The following NOTUM variants were observed in gnomAD, a reference collection of about 807,000 sequenced individuals.
The protein encoded by NOTUM is notum, palmitoleoyl-protein carboxylesterase.
A neutral mutation model predicts 65.5 loss-of-function variants in NOTUM; 36 were observed. That is an observed-to-expected ratio of 0.55 (90% confidence interval 0.42 to 0.73). NOTUM has a LOEUF of 0.73. Ranked by LOEUF, NOTUM falls within the 30% of genes least tolerant of loss-of-function variation. NOTUM has a pLI of 0.00. For missense variants in NOTUM, 659 were observed against 694.2 expected (o/e 0.95, Z 0.57); for synonymous variants, 356 against 297.9 (o/e 1.20, Z -2.01).
chr17:81,957,918 G>C lies in NOTUM; in HGVS notation c.593-10C>G, dbSNP rs768985720. 6.3e-7 allele frequency: 1 copy of C among 1,580,680 alleles called. No individual in the cohort carries two copies. The highest frequency in any genetic ancestry group is 1.4e-5 in the African/African-American group (1 of 74,006). On this transcript the variant is annotated splice_polypyrimidine_tract_variant and intron_variant, in intron 5 of 10. Coordinates refer to ENST00000409678, the MANE Select transcript of NOTUM (RefSeq NM_178493.6). ...ATGAAGGCGTACTCGTCTGCAAGAGGGAGGGGGTGGCCTCAGGTAGGGGCC... is the reference window on the plus strand; with the variant it reads ...ATGAAGGCGTACTCGTCTGCAAGAGCGAGGGGGTGGCCTCAGGTAGGGGCC...
chr17:81,956,790 TC>T, intron 7 of NOTUM, 40 bp from the exon 8 acceptor site: 4 of 1,590,802 alleles, frequency 2.5e-6, no homozygotes, highest in South Asian at 1.1e-5. Context: ...GTGGGTCTCG[TC>T]CCCCGGGGCT....
rs910521226 is a variant in NOTUM, at chr17:81,956,681, G to T, written c.957C>A (p.Phe319Leu). Residue 319 changes from phenylalanine (F) to leucine (L), a missense_variant, in exon 8 of 11, where the codon TTC (phenylalanine) becomes TTA (leucine). Coordinates refer to ENST00000409678, the MANE Select transcript of NOTUM (RefSeq NM_178493.6). ...GGGTCGGGTAGACCTTGTAGCCAAA[G>T]AAGCAGTTCCACTCCTCGCCCTCCT... ...QFQEGEEWNCFFGYKVYPTLR... is the reference protein window; with the variant it reads ...QFQEGEEWNCLFGYKVYPTLR... 1 of 1,612,960 alleles carries T rather than the reference G, an allele frequency of 6.2e-7. No homozygotes were observed. Among genetic ancestry groups the T allele is most frequent in the African/African-American group, 1.3e-5 (1 of 75,062 alleles).
intron 6 of NOTUM, 111 bp downstream of exon 6, chr17:81,957,695 C>G (rs890351124): frequency 8.0e-6 from 6 of 747,924 alleles, no homozygotes; most frequent in Non-Finnish European, 1.4e-5. Context: ...CCAAGATCTG[C>G]ACAGGCTCCA....
At chr17:81,954,381 C>G (rs1274759829) in intron 9 of NOTUM, 78 bp from the exon 10 acceptor site, 1 of 1,027,976 alleles carries the variant, frequency 9.7e-7, no homozygotes, top group Non-Finnish European at 1.5e-6. Context: ...CTAGAGCTGT[C>G]CCCCGCCTGG....
Position 81,954,243 on chromosome 17 carries a change from C to A in NOTUM, c.1184+13G>T, listed in dbSNP as rs778462980. ...TGTCATGGACGCAAGCTGCCCGGAG[C>A]AGGGACACTGACCTCCGGATGATGA... is the stretch of plus-strand genomic sequence containing the variant. On this transcript the variant is annotated intron_variant, in intron 10 of 10. Transcript: ENST00000409678. 2 of 1,602,402 alleles carry A rather than the reference C, an allele frequency of 1.2e-6. No individual in the cohort carries two copies. The highest frequency in any genetic ancestry group is 1.7e-6 in the Non-Finnish European group (2 of 1,169,336).
chr17:81,953,781 TTTTTC>T (rs2041406628), intron 10 of NOTUM, among the ~76,000 whole-genome samples: 1 of 151,442 alleles, frequency 6.6e-6, no homozygotes, highest in Non-Finnish European at 1.5e-5. Context: ...TCTTTTTTTT[TTTTTC>T]TTTTTTTTTT....
rs965489619 is a variant in NOTUM, at chr17:81,959,704, G to A, written c.324-12C>T. On this transcript the variant is annotated splice_polypyrimidine_tract_variant and intron_variant, in intron 1 of 10. Transcript: ENST00000409678. ...CCTTCAGGTAGTAGCTGCGGGGGAG[G>A]ACGCACCGCGGGGGGTCGGCCAGGG... 1.2e-5 allele frequency: 17 copies of A among 1,463,340 alleles called. No individual in the cohort carries two copies. The highest frequency in any genetic ancestry group is 2.9e-5 in the East Asian group (1 of 34,340). 90.6% of individuals were successfully genotyped at this position (1,463,340 alleles called of 1,614,324 possible). A position where few individuals can be genotyped will look rare whatever the true frequency, so the allele number is the denominator to read the frequency against.
At chr17:81,959,029 G>A (rs764395105) in intron 3 of NOTUM, 34 bp from the exon 4 acceptor site, 4 of 1,594,346 alleles carry the variant, frequency 2.5e-6, no homozygotes, top group South Asian at 1.1e-5. Context: ...CTTTCTAGCG[G>A]GAGGAGGCTG....
chr17:81,957,777 C>A, intron 6 of NOTUM, 29 bp downstream of exon 6: 1 of 1,520,786 alleles, frequency 6.6e-7, no homozygotes, highest in Non-Finnish European at 9.0e-7. Context: ...CCTCACCCCT[C>A]ACCTCCAGCC....
intron 3 of NOTUM, 65 bp downstream of exon 3, chr17:81,959,406 G>A (rs1013394635): frequency 1.6e-6 from 2 of 1,277,152 alleles, no homozygotes; most frequent in Admixed American, 2.1e-5. Flanking sequence ...TGGGGCTCCA[G>A]GAGGCGGGCG....
In NOTUM at chr17:81,954,129, C is replaced by G. The variant is rs1421633551; in HGVS notation, c.1184+127G>C. On this transcript the variant is annotated intron_variant, in intron 10 of 10. Transcript: ENST00000409678. ...GTTGGTACAAGTGGCTCTGGCACCCCTATAAGGAAATCCCACCCCTAGAAG... is the reference window on the plus strand; with the variant it reads ...GTTGGTACAAGTGGCTCTGGCACCCGTATAAGGAAATCCCACCCCTAGAAG... The G allele has an allele frequency of 4.4e-6, 3 of 679,820 alleles. No homozygotes were observed. The East Asian group carries it at 8.1e-5, about 18-fold the overall frequency. 42.1% of individuals were successfully genotyped at this position (679,820 alleles called of 1,614,324 possible).
intron 10 of NOTUM, among the ~76,000 whole-genome samples, chr17:81,954,043 G>A (rs925979089): frequency 3.9e-5 from 6 of 152,102 alleles, no homozygotes; most frequent in Admixed American, 2.0e-4. Context: ...CTCCCAAAGT[G>A]CTGGGATTAC....
intron 9 of NOTUM, among the ~76,000 whole-genome samples, chr17:81,954,942 TCTCTCTCTCTCTCTCTC>T (rs931102033): frequency 5.2e-5 from 6 of 115,876 alleles, no homozygotes; most frequent in African/African-American, 1.4e-4. Flanking sequence ...TCTCTCTCTC[TCTCTCTCTCTCTCTCTC>T]CTCTCTCTCT....
intron 9 of NOTUM, 76 bp downstream of exon 9, chr17:81,955,318 CTTT>C: frequency 1.5e-6 from 2 of 1,292,146 alleles, no homozygotes; most frequent in Non-Finnish European, 2.1e-6. Flanking sequence ...GGTTTTTCTT[CTTT>C]TGTTTTCTCA....
intron 6 of NOTUM, 30 bp downstream of exon 6, chr17:81,957,776 T>A: frequency 5.4e-6 from 8 of 1,485,700 alleles, no homozygotes; most frequent in Non-Finnish European, 7.4e-6. Context: ...TCCTCACCCC[T>A]CACCTCCAGC....
In NOTUM at chr17:81,952,842, G is replaced by C. The variant is rs1303157589; in HGVS notation, c.*119C>G. 6.8e-6 allele frequency: 6 copies of C among 882,164 alleles called. No homozygotes were observed. The Admixed American group carries it at 1.3e-4, about 19-fold the overall frequency. The allele number at this position is 882,164 out of a possible 1,614,324, so 54.6% of individuals were successfully genotyped here. On this transcript the variant is annotated 3_prime_UTR_variant, in exon 11 of 11. Transcript: ENST00000409678. ...AGGGCAGTGGGCAGACCCAGACAGGGGGGACGGCTGGGGCCCTGTCCCGAA... is the reference window on the plus strand; with the variant it reads ...AGGGCAGTGGGCAGACCCAGACAGGCGGGACGGCTGGGGCCCTGTCCCGAA...
At chr17:81,954,929 CGA>C (rs1172251023) in intron 9 of NOTUM, among the ~76,000 whole-genome samples, 2 of 97,300 alleles carry the variant, frequency 2.1e-5, no homozygotes, top group South Asian at 3.1e-4. Context: ...AGACCGATCT[CGA>C]TCTCTCTCTC....
intron 10 of NOTUM, among the ~76,000 whole-genome samples, chr17:81,953,554 A>G (rs980486040): frequency 2.0e-5 from 3 of 152,020 alleles, no homozygotes; most frequent in Non-Finnish European, 4.4e-5. Context: ...TTGGCCTCCC[A>G]AAGTGCTGAG....
At chr17:81,959,039 G>C in intron 3 of NOTUM, 44 bp from the exon 4 acceptor site, 1 of 1,556,396 alleles carries the variant, frequency 6.4e-7, no homozygotes, top group Non-Finnish European at 8.9e-7. Flanking sequence ...GGAGGAGGCT[G>C]TGTAGGGTCG....
Sources: allele counts gnomAD v4.1 joint callset (sites outside exome capture counted in the v4.1 genomes callset), GRCh38; gene constraint gnomAD v4.1.1; transcripts MANE v1.5; gene names NCBI Gene and HGNC (gene_info 2026-07-23, HGNC 2026-07-21).